Variants in DGKH observed in about 807,000 individuals in gnomAD.
DGKH encodes diacylglycerol kinase eta.
Under a neutral mutation model 159.3 loss-of-function variants are expected in DGKH, and 90 were observed. That is an observed-to-expected ratio of 0.57 (90% CI 0.48 to 0.67). The LOEUF (loss-of-function observed/expected upper bound fraction) is 0.67. Among genes scored for constraint, DGKH ranks in the 30% least tolerant of loss-of-function variants. The pLI is 0.00. For synonymous variants in DGKH, 536 were observed against 553.8 expected (o/e 0.97, Z 0.45); for missense variants, 1,181 against 1,506.1 (o/e 0.78, Z 3.57).
intron 1 of DGKH, among the ~76,000 whole-genome samples, chr13:42,092,400 TCAGCCATG>T (rs77939793): frequency 0.24 from 35,953 of 151,926 alleles, 4,803 homozygotes; most frequent in African/African-American, 0.36. Context: ...AAAATATTAT[TCAGCCATG>T]CAGCCATGAA....
Position 42,237,864 on chromosome 13 carries a change from A to C in DGKH, c.*8676A>C, listed in dbSNP as rs541721999. 1 of 152,354 alleles carries C rather than the reference A, an allele frequency of 6.6e-6. No homozygotes were observed. The highest frequency in any genetic ancestry group is 6.5e-5 in the Admixed American group (1 of 15,308). The allele number at this position is 152,354 out of a possible 1,614,324, so 9.4% of individuals were successfully genotyped here. ...ATGTGGATCAGACCATACCCTGCAG[A>C]CCAAGGAGATTTTCTTAAACTTGCT... On this transcript the variant is annotated 3_prime_UTR_variant, in exon 30 of 30. Transcript: ENST00000337343.
intron 1 of DGKH, among the ~76,000 whole-genome samples, chr13:42,041,444 C>A (rs141605202): frequency 6.6e-6 from 1 of 152,196 alleles, no homozygotes; most frequent in African/African-American, 2.4e-5. Context: ...GAGGGTGCAA[C>A]GGGTTTTGCC....
At chr13:42,206,492 C>A (rs9562385) in intron 21 of DGKH, among the ~76,000 whole-genome samples, 62,037 of 152,010 alleles carry the variant, frequency 0.41, 12,811 homozygotes, top group Middle Eastern at 0.44. Flanking sequence ...TGTTTTCTAT[C>A]GCTGCTATAA....
chr13:42,162,413 T>C (rs1022311149), intron 7 of DGKH, among the ~76,000 whole-genome samples: 1 of 152,202 alleles, frequency 6.6e-6, no homozygotes, highest in Admixed American at 6.5e-5. Context: ...CTTGGGATGC[T>C]GAGGCAGGAG....
chr13:42,243,134 A>G (rs544693431), downstream of DGKH, among the ~76,000 whole-genome samples: 1 of 152,206 alleles, frequency 6.6e-6, no homozygotes, highest in Admixed American at 6.5e-5. Flanking sequence ...AAGGACCCGT[A>G]ATACAGATCC....
At chr13:42,114,785 G>A (rs979129463) in intron 1 of DGKH, among the ~76,000 whole-genome samples, 3 of 152,074 alleles carry the variant, frequency 2.0e-5, no homozygotes, top group Non-Finnish European at 2.9e-5. Context: ...TCTTTATGTG[G>A]TTAAATTAGG....
At chr13:42,089,836 G>A (rs1954380722) in intron 1 of DGKH, among the ~76,000 whole-genome samples, 1 of 152,100 alleles carries the variant, frequency 6.6e-6, no homozygotes, top group South Asian at 2.1e-4. Context: ...CTGGGGATTA[G>A]GACATGGTCT....
Position 42,166,679 on chromosome 13 carries a change from C to G in DGKH, c.1118+5C>G, listed in dbSNP as rs1163128217. ...GAATGGAGGTCCTCATTTAGGGTAA[C>G]TGATTATTGATAAATCTTATTTGAA... On this transcript the variant is annotated splice_donor_5th_base_variant and intron_variant, in intron 9 of 29. Transcript: ENST00000337343. The G allele has an allele frequency of 6.4e-7, 1 of 1,573,660 alleles. No individual in the cohort carries two copies. Among genetic ancestry groups the G allele is most frequent in the Non-Finnish European group, 8.6e-7 (1 of 1,162,698 alleles).
intron 1 of DGKH, among the ~76,000 whole-genome samples, chr13:42,127,033 G>A (rs549162891): frequency 7.2e-5 from 11 of 152,256 alleles, no homozygotes; most frequent in African/African-American, 2.2e-4. Context: ...AATAAATAAA[G>A]CCATGAAGAA....
chr13:42,082,505 T>A (rs936448848), intron 1 of DGKH, among the ~76,000 whole-genome samples: 1 of 152,196 alleles, frequency 6.6e-6, no homozygotes, highest in African/African-American at 2.4e-5. Flanking sequence ...CCAGAGTTAA[T>A]ACATTTCCAA....
intron 3 of DGKH, among the ~76,000 whole-genome samples, chr13:42,139,916 C>A (rs539454369): frequency 6.6e-6 from 1 of 152,046 alleles, no homozygotes; most frequent in Non-Finnish European, 1.5e-5. Context: ...ATACCAAAAA[C>A]GAGGAACTCG....
intron 1 of DGKH, among the ~76,000 whole-genome samples, chr13:42,124,945 C>T (rs766236586): frequency 1.1e-4 from 17 of 152,118 alleles, no homozygotes; most frequent in Middle Eastern, 3.2e-3. Flanking sequence ...CAGGAGACCT[C>T]TCTTACCATT....
intron 3 of DGKH, among the ~76,000 whole-genome samples, chr13:42,139,781 C>T (rs1343299311): frequency 6.6e-6 from 1 of 152,126 alleles, no homozygotes; most frequent in Non-Finnish European, 1.5e-5. Context: ...AAAAATTGGC[C>T]ACTGAGTACC....
chr13:42,120,202 C>T, intron 1 of DGKH, among the ~76,000 whole-genome samples: 1 of 152,112 alleles, frequency 6.6e-6, no homozygotes, highest in East Asian at 1.9e-4. Context: ...TTCCACATCT[C>T]CAATCTTGGT....
intron 1 of DGKH, among the ~76,000 whole-genome samples, chr13:42,110,700 A>G (rs781190707): frequency 1.3e-5 from 2 of 152,082 alleles, no homozygotes; most frequent in Non-Finnish European, 2.9e-5. Flanking sequence ...AGAAAAGCCC[A>G]TCTGTGTTCA....
chr13:42,207,379 G>A (rs1449646403), intron 21 of DGKH, among the ~76,000 whole-genome samples: 1 of 150,740 alleles, frequency 6.6e-6, no homozygotes, highest in Non-Finnish European at 1.5e-5. Context: ...TAGTAGAGAC[G>A]GGGGTTTCAC....
At chr13:42,194,102 C>T (rs10492436) in intron 16 of DGKH, among the ~76,000 whole-genome samples, 52,284 of 152,014 alleles carry the variant, frequency 0.34, 10,405 homozygotes, top group East Asian at 0.51. Flanking sequence ...AGGAAAAATA[C>T]GTTCATTTCA....
downstream of DGKH, chr13:42,243,014 C>T (rs1958542973): frequency 6.6e-6 from 1 of 152,070 alleles, no homozygotes; most frequent in African/African-American, 2.4e-5. Flanking sequence ...GCTCGTGTAC[C>T]CTTTACCCAT....
intron 29 of DGKH, chr13:42,225,205 G>T: frequency 7.2e-7 from 1 of 1,393,424 alleles, no homozygotes; most frequent in South Asian, 1.3e-5. Flanking sequence ...TTACTGGTGT[G>T]AGCCACCATG....
Sources: allele counts gnomAD v4.1 joint callset (sites outside exome capture counted in the v4.1 genomes callset), GRCh38; gene constraint gnomAD v4.1.1; transcripts MANE v1.5; gene names NCBI Gene and HGNC (gene_info 2026-07-23, HGNC 2026-07-21).